Variants in FUBP1 observed in about 807,000 individuals in gnomAD.
FUBP1 encodes the protein far upstream element binding protein 1.
Under a neutral mutation model 94.9 loss-of-function variants are expected in FUBP1, and 16 were observed. That is an observed-to-expected ratio of 0.17 (90% CI 0.11 to 0.26). FUBP1 has a LOEUF of 0.26. Among genes scored for constraint, FUBP1 ranks in the 10% least tolerant of loss-of-function variants. FUBP1 has a pLI of 1.00. For synonymous variants in FUBP1, 279 were observed against 254.9 expected (o/e 1.09, Z -0.90); for missense variants, 583 against 808.6 (o/e 0.72, Z 3.38).
At chr1:77,962,663 G>T (rs778837052) in intron 14 of FUBP1, 107 bp downstream of exon 14, 18 of 606,962 alleles carry the variant, frequency 3.0e-5, no homozygotes, top group Non-Finnish European at 4.8e-5. Flanking sequence ...ATCTATAAAT[G>T]CTGACTAGTA....
rs1655711093 is a variant in FUBP1, at chr1:77,962,637, T to C, written c.1344+133A>G. ...CTGGAAAATCTTCACGTTGTATCTA[T>C]TATACATATCATGAAATCTATAAAT... On this transcript the variant is annotated intron_variant, in intron 14 of 19. Coordinates refer to ENST00000370768, the MANE Select transcript of FUBP1 (RefSeq NM_003902.5). The C allele has an allele frequency of 2.4e-5, 13 of 546,398 alleles. 2 individuals carry two copies. In the South Asian group the frequency reaches 3.8e-4, roughly 16 times the overall value. 33.8% of individuals were successfully genotyped at this position (546,398 alleles called of 1,614,324 possible).
At chr1:77,965,833 G>A (rs1182046606) in intron 7 of FUBP1, among the ~76,000 whole-genome samples, 1 of 152,214 alleles carries the variant, frequency 6.6e-6, no homozygotes, top group Non-Finnish European at 1.5e-5. Context: ...TGGATCACGA[G>A]GTCAAGAGAT....
intron 16 of FUBP1, among the ~76,000 whole-genome samples, chr1:77,959,179 T>G (rs1198958375): frequency 6.6e-6 from 1 of 152,152 alleles, no homozygotes; most frequent in Non-Finnish European, 1.5e-5. Flanking sequence ...ATTGAGTATA[T>G]TTTCCTTGAA....
At chr1:77,979,221 G>A (rs143306757), upstream of FUBP1, 5 of 542,446 alleles carry the variant, frequency 9.2e-6, no homozygotes, top group Non-Finnish European at 1.6e-5. Context: ...GAACAGAGAC[G>A]TCGCGAGGAT....
chr1:77,951,181 C>T (rs1055851392), intron 18 of FUBP1, among the ~76,000 whole-genome samples: 13 of 152,138 alleles, frequency 8.5e-5, no homozygotes, highest in African/African-American at 3.1e-4. Flanking sequence ...TTTTAAACCC[C>T]ATTGTAAGAG....
At position 77,948,540 on chromosome 1, in the gene FUBP1, A is replaced by G. The variant is rs888061047; in HGVS notation, c.*226T>C. On this transcript the variant is annotated 3_prime_UTR_variant, in exon 20 of 20. Transcript: ENST00000370768. Reference sequence around the variant, plus strand: ...CATTTGCTGGAATGTGTACATCTACACTAAATACTAAAAACAAACCAATTT... The same window carrying G: ...CATTTGCTGGAATGTGTACATCTACGCTAAATACTAAAAACAAACCAATTT... 7.3e-5 allele frequency: 95 copies of G among 1,303,830 alleles called. No individual in the cohort carries two copies. Among genetic ancestry groups the G allele is most frequent in the Non-Finnish European group, 8.6e-5 (87 of 1,015,060 alleles). 80.8% of individuals were successfully genotyped at this position (1,303,830 alleles called of 1,614,324 possible). A position where few individuals can be genotyped will look rare whatever the true frequency, so the allele number is the denominator to read the frequency against.
chr1:77,956,839 A>G, intron 16 of FUBP1, 139 bp from the exon 17 acceptor site: 1 of 501,492 alleles, frequency 2.0e-6, no homozygotes, highest in Non-Finnish European at 3.4e-6. Context: ...AAGTATATGA[A>G]AACTTAAATT....
intron 1 of FUBP1, among the ~76,000 whole-genome samples, 190 bp downstream of exon 1, chr1:77,978,695 G>C (rs1557490109): frequency 6.6e-6 from 1 of 152,184 alleles, no homozygotes; most frequent in East Asian, 1.9e-4. Context: ...AAGTGGATTA[G>C]GCACCAAGAA....
intron 4 of FUBP1, 42 bp from the exon 5 acceptor site, chr1:77,967,143 T>C (rs535456842): frequency 2.4e-5 from 29 of 1,220,984 alleles, no homozygotes; most frequent in African/African-American, 1.5e-4. Context: ...CAATGAAAGA[T>C]ACTTTGTTTA....
rs1038227021 is a variant in FUBP1, at chr1:77,956,413, A to G, written c.1705+159T>C. The stretch of plus-strand genomic sequence containing the variant: ...GTATTCTTCTTACAACTTTTATGAA[A>G]GTTTGAAACTATTTCAAAGTAACAA... On this transcript the variant is annotated intron_variant, in intron 17 of 19. Coordinates refer to ENST00000370768, the MANE Select transcript of FUBP1 (RefSeq NM_003902.5). 2.0e-5 allele frequency among the ~76,000 whole-genome samples: 3 copies of G among 152,214 alleles called. No individual in the cohort carries two copies. In the East Asian group the frequency reaches 5.8e-4, roughly 29 times the overall value.
Position 77,964,665 on chromosome 1 carries a change from C to T in FUBP1, c.818G>A (p.Gly273Glu), listed in dbSNP as rs2102398986. ...ACTTACATCTATCCCTTCATTTCCT[C>T]CTATTCTTGACCCATACTCATTCCG... ...EVRNEYGSRI[G>E]GNEGIDVPIP... The change falls in exon 10 of 20, where the codon GGA becomes GAA. Residue 273 changes from glycine (G) to glutamate (E), a missense_variant. By Grantham distance (98) the Gly-to-Glu change is moderately conservative. Coordinates refer to ENST00000370768, the MANE Select transcript of FUBP1 (RefSeq NM_003902.5). The T allele has an allele frequency of 6.3e-7, 1 of 1,592,902 alleles. No individual in the cohort carries two copies. The highest frequency in any genetic ancestry group is 1.7e-4 in the Middle Eastern group (1 of 6,018).
At chr1:77,976,078 A>G (rs1025177293) in intron 1 of FUBP1, among the ~76,000 whole-genome samples, 15 of 152,250 alleles carry the variant, frequency 9.9e-5, no homozygotes, top group African/African-American at 1.2e-4. Flanking sequence ...AACTATGCCT[A>G]TATCTCTTCC....
intron 1 of FUBP1, among the ~76,000 whole-genome samples, chr1:77,974,844 G>GA (rs1658306882): frequency 6.6e-6 from 1 of 152,194 alleles, no homozygotes. Flanking sequence ...CTGAGACTCA[G>GA]AAAATCTCTA....
chr1:77,950,481 C>T (rs1178880190), intron 18 of FUBP1, among the ~76,000 whole-genome samples: 1 of 152,152 alleles, frequency 6.6e-6, no homozygotes, highest in African/African-American at 2.4e-5. Context: ...TTAGAGCAAA[C>T]TGTCTTGTCT....
At chr1:77,955,401 T>C (rs1430160589) in intron 17 of FUBP1, 72 bp from the exon 18 acceptor site, 10 of 836,170 alleles carry the variant, frequency 1.2e-5, no homozygotes, top group Middle Eastern at 2.2e-4. Flanking sequence ...TTTCCTTGGG[T>C]GCAGGAGCTG....
intron 16 of FUBP1, 50 bp from the exon 17 acceptor site, chr1:77,956,750 C>G (rs781666141): frequency 2.0e-6 from 3 of 1,468,534 alleles, no homozygotes; most frequent in Non-Finnish European, 9.5e-7. Flanking sequence ...GTAATTCTCT[C>G]TCACACACAC....
At position 77,964,846 on chromosome 1, in the gene FUBP1, T is replaced by C. The variant is rs558643721; in HGVS notation, c.735+24A>G. The C allele has an allele frequency of 3.9e-6, 6 of 1,535,444 alleles. No individual in the cohort carries two copies. In the Admixed American group the frequency reaches 5.0e-5, roughly 13 times the overall value. On this transcript the variant is annotated intron_variant, in intron 9 of 19. Transcript: ENST00000370768. ...AACCCCATTCAACCCACTCTTTCTT[T>C]ATAAAGTATAAAGTTAAGTTTACTT...
chr1:77,955,478 G>C, intron 17 of FUBP1, 149 bp from the exon 18 acceptor site: 3 of 605,256 alleles, frequency 5.0e-6, no homozygotes, highest in Non-Finnish European at 8.9e-6. Flanking sequence ...ATCCCTAACA[G>C]TGCCAAAGAT....
chr1:77,963,472 T>C (rs1433690316), intron 13 of FUBP1, 102 bp downstream of exon 13: 2 of 610,016 alleles, frequency 3.3e-6, no homozygotes, highest in Non-Finnish European at 5.8e-6. Flanking sequence ...TCTACTAAAA[T>C]ACGGTCAGAG....
Sources: gnomAD v4.1 joint callset for allele counts (sites outside exome capture counted in the v4.1 genomes callset) on GRCh38, gnomAD v4.1.1 for gene constraint, MANE v1.5 for transcripts, NCBI Gene and HGNC (gene_info 2026-07-23, HGNC 2026-07-21) for gene names.